Variants in EPHA6 observed in about 807,000 individuals in gnomAD.
EPHA6 encodes the protein ephrin type-A receptor 6.
Under a neutral mutation model 112.0 loss-of-function variants are expected in EPHA6, and 50 were observed. The ratio of observed to expected loss-of-function variants is 0.45; its 90% CI spans 0.36 to 0.56. The LOEUF (loss-of-function observed/expected upper bound fraction) is 0.56. Ranked by LOEUF, EPHA6 falls within the 20% of genes least tolerant of loss-of-function variation. The pLI, the probability that EPHA6 is intolerant of heterozygous loss-of-function variation, is 0.00. For missense variants in EPHA6, 1,280 were observed against 1,417.4 expected, an observed-to-expected ratio of 0.90 and a Z score of 1.56; for synonymous variants, 529 against 490.7, an observed-to-expected ratio of 1.08 and a Z score of -1.03.
At chr3:97,422,144 A>C (rs2088700958) in intron 6 of EPHA6, among the ~76,000 whole-genome samples, 1 of 148,550 alleles carries the variant, frequency 6.7e-6, no homozygotes, top group Admixed American at 6.6e-5. Context: ...TCTCAAAAAA[A>C]AAAAAAAAAA....
chr3:96,903,126 A>G (rs552209306), intron 2 of EPHA6, among the ~76,000 whole-genome samples: 8 of 152,310 alleles, frequency 5.3e-5, no homozygotes, highest in African/African-American at 1.9e-4. Flanking sequence ...TATTTGAGCA[A>G]ACTTCTAAAG....
intron 13 of EPHA6, among the ~76,000 whole-genome samples, chr3:97,629,547 C>T (rs2107529958): frequency 6.6e-6 from 1 of 151,990 alleles, no homozygotes; most frequent in African/African-American, 2.4e-5. Context: ...TTATAATTCT[C>T]ATTAATTCTT....
chr3:97,165,575 G>C (rs2076522729), intron 3 of EPHA6, among the ~76,000 whole-genome samples: 1 of 152,064 alleles, frequency 6.6e-6, no homozygotes, highest in African/African-American at 2.4e-5. Context: ...GAGCAGAAAA[G>C]AGTCAGGGTA....
chr3:97,296,752 G>A (rs1008069800), intron 5 of EPHA6, among the ~76,000 whole-genome samples: 5 of 152,050 alleles, frequency 3.3e-5, no homozygotes, highest in African/African-American at 9.7e-5. Flanking sequence ...GGTTTTATAG[G>A]GAGCACATGC....
intron 10 of EPHA6, among the ~76,000 whole-genome samples, chr3:97,499,169 T>C (rs993239788): frequency 1.3e-5 from 2 of 152,184 alleles, no homozygotes; most frequent in African/African-American, 4.8e-5. Flanking sequence ...CGATTCTTGT[T>C]CATCTGTGGC....
chr3:97,351,107 T>C (rs575533085), intron 5 of EPHA6, among the ~76,000 whole-genome samples: 6 of 152,294 alleles, frequency 3.9e-5, no homozygotes, highest in African/African-American at 1.4e-4. Context: ...ATAGCTATTT[T>C]ACAAGGGACC....
chr3:97,045,599 A>C (rs939134540), intron 3 of EPHA6, among the ~76,000 whole-genome samples: 1 of 152,074 alleles, frequency 6.6e-6, no homozygotes, highest in Non-Finnish European at 1.5e-5. Flanking sequence ...AGAAATCATC[A>C]TAAGTTACAC....
chr3:97,424,586 C>T (rs1446298013), intron 6 of EPHA6, among the ~76,000 whole-genome samples: 2 of 151,806 alleles, frequency 1.3e-5, no homozygotes, highest in African/African-American at 4.8e-5. Flanking sequence ...GGCAGATTAC[C>T]TGAGGTCAGG....
intron 5 of EPHA6, among the ~76,000 whole-genome samples, chr3:97,365,314 CTATTT>C (rs1263758426): frequency 6.6e-6 from 1 of 152,042 alleles, no homozygotes; most frequent in African/African-American, 2.4e-5. Flanking sequence ...CTATAATATT[CTATTT>C]TATTTCTTCC....
intron 10 of EPHA6, among the ~76,000 whole-genome samples, chr3:97,499,196 TTC>T (rs1408787372): frequency 6.7e-6 from 1 of 150,242 alleles, no homozygotes; most frequent in Non-Finnish European, 1.5e-5. Flanking sequence ...TTTTACCTGA[TTC>T]TGTTTTTTAA....
At chr3:97,200,630 C>T (rs2077556584) in intron 3 of EPHA6, among the ~76,000 whole-genome samples, 1 of 152,078 alleles carries the variant, frequency 6.6e-6, no homozygotes, top group Admixed American at 6.6e-5. Flanking sequence ...TGACAGCCTC[C>T]ATTACCCAGA....
intron 5 of EPHA6, among the ~76,000 whole-genome samples, chr3:97,280,314 A>G (rs546384239): frequency 2.1e-4 from 32 of 152,382 alleles, no homozygotes; most frequent in African/African-American, 7.7e-4. Flanking sequence ...TAAAGATTAA[A>G]TGCAATTATA....
intron 14 of EPHA6, among the ~76,000 whole-genome samples, chr3:97,656,185 G>C (rs2094136966): frequency 6.6e-6 from 1 of 151,732 alleles, no homozygotes; most frequent in African/African-American, 2.4e-5. Flanking sequence ...TCTTCTCTCT[G>C]GTATTAGTTG....
intron 10 of EPHA6, among the ~76,000 whole-genome samples, chr3:97,494,689 TA>T (rs1017855862): frequency 7.7e-4 from 112 of 144,864 alleles, no homozygotes; most frequent in South Asian, 5.9e-3. Context: ...TATTTGTGAG[TA>T]AAAAAAAAAA....
intron 7 of EPHA6, among the ~76,000 whole-genome samples, chr3:97,452,024 A>C (rs1217267882): frequency 6.6e-6 from 1 of 151,944 alleles, no homozygotes; most frequent in African/African-American, 2.4e-5. Context: ...TACTTTGTTC[A>C]ACTTTGACTT....
intron 7 of EPHA6, among the ~76,000 whole-genome samples, chr3:97,462,412 G>A (rs1013774572): frequency 2.6e-5 from 4 of 152,050 alleles, no homozygotes; most frequent in African/African-American, 7.2e-5. Context: ...AAAAGAAGAA[G>A]AATGTAATTC....
At position 97,706,477 on chromosome 3, in the gene EPHA6, GT is replaced by G. The variant is rs2033681975; in HGVS notation, c.2785-13782del. 6.6e-5 allele frequency among the ~76,000 whole-genome samples: 10 copies of G among 152,316 alleles called. No homozygotes were observed. The South Asian group carries it at 1.9e-3, about 28-fold the overall frequency. ...TGAAATCTCACTGCCTGCTATTCCAGTTGTCTAACCAAGTCTTCGCTGTCAT... is the reference window on the plus strand; with the variant it reads ...TGAAATCTCACTGCCTGCTATTCCAGTGTCTAACCAAGTCTTCGCTGTCAT... On this transcript the variant is annotated intron_variant, in intron 14 of 17. Transcript: ENST00000389672.
intron 10 of EPHA6, among the ~76,000 whole-genome samples, chr3:97,519,655 C>T (rs544073016): frequency 1.3e-5 from 2 of 152,186 alleles, no homozygotes; most frequent in East Asian, 1.9e-4. Context: ...AAATTTCATT[C>T]GTCAGTGTTT....
At chr3:97,382,545 C>T (rs1195706233) in intron 5 of EPHA6, among the ~76,000 whole-genome samples, 4 of 152,018 alleles carry the variant, frequency 2.6e-5, no homozygotes, top group Admixed American at 6.6e-5. Context: ...TTAGGATCCA[C>T]CCTGACTTCG....
Sources: allele counts gnomAD v4.1 joint callset (sites outside exome capture counted in the v4.1 genomes callset), GRCh38; gene constraint gnomAD v4.1.1; transcripts MANE v1.5; gene names NCBI Gene and HGNC (gene_info 2026-07-23, HGNC 2026-07-21).